Variants in ZNF423 observed in about 807,000 individuals in gnomAD.
ZNF423 encodes Ebf-associated zinc finger protein.
In ZNF423, 12 loss-of-function variants were observed where a neutral mutation model predicts 95.8. The observed-to-expected ratio is 0.13, with a 90% CI of 0.08 to 0.20. The LOEUF (loss-of-function observed/expected upper bound fraction) is 0.20, where lower values mean the gene tolerates loss of function less well. ZNF423 is among the 10% of genes least tolerant of loss of function. The pLI, the probability that ZNF423 is intolerant of heterozygous loss-of-function variation, is 1.00. For missense variants in ZNF423, 1,316 were observed against 1,737.1 expected (o/e 0.76, Z 4.31); for synonymous variants, 749 against 711.9 (o/e 1.05, Z -0.83).
chr16:49,858,480 A>G (rs942506453), upstream of ZNF423, among the ~76,000 whole-genome samples: 1 of 151,310 alleles, frequency 6.6e-6, no homozygotes, highest in Non-Finnish European at 1.5e-5. This position sits in a 1 kb window ranked among gnomAD's most constrained non-coding sequence, Gnocchi z 4.3. Flanking sequence ...AGGCAGTCTC[A>G]GAGGTAGAGT....
chr16:49,558,715 A>G (rs1969920561), intron 5 of ZNF423, among the ~76,000 whole-genome samples: 1 of 152,210 alleles, frequency 6.6e-6, no homozygotes, highest in Non-Finnish European at 1.5e-5. Context: ...TGAAATCAGC[A>G]GGAATTGCAC....
intron 7 of ZNF423, among the ~76,000 whole-genome samples, chr16:49,520,834 C>T (rs1163585908): frequency 1.3e-5 from 2 of 152,208 alleles, no homozygotes; most frequent in Non-Finnish European, 2.9e-5. Context: ...GAGAAAATTG[C>T]TATTCAAGTT....
chr16:49,791,739 T>C (rs2034418113), intron 1 of ZNF423, among the ~76,000 whole-genome samples: 1 of 152,182 alleles, frequency 6.6e-6, no homozygotes, highest in African/African-American at 2.4e-5. Flanking sequence ...CAGTGGTTTA[T>C]GCCTGTAATC....
At chr16:49,514,392 G>A (rs1415414399) in intron 7 of ZNF423, among the ~76,000 whole-genome samples, 1 of 152,050 alleles carries the variant, frequency 6.6e-6, no homozygotes, top group Admixed American at 6.5e-5. Flanking sequence ...TAGAAACCCT[G>A]TCTCCTTGTT....
intron 3 of ZNF423, among the ~76,000 whole-genome samples, chr16:49,671,893 C>T (rs1311984869): frequency 6.6e-6 from 1 of 152,054 alleles, no homozygotes; most frequent in Non-Finnish European, 1.5e-5. Flanking sequence ...CCATGTTGCC[C>T]AGGCTGGTCT....
chr16:49,830,293 G>A (rs376951894), intron 1 of ZNF423, among the ~76,000 whole-genome samples: 135 of 152,234 alleles, frequency 8.9e-4, no homozygotes, highest in African/African-American at 3.1e-3. Flanking sequence ...AGTTGAGGCC[G>A]GGGGACTGAT....
At chr16:49,530,711 A>C (rs1968808581) in intron 5 of ZNF423, among the ~76,000 whole-genome samples, 1 of 152,118 alleles carries the variant, frequency 6.6e-6, no homozygotes, top group Admixed American at 6.5e-5. Flanking sequence ...CGCTTTCTGG[A>C]ACCCCACGGA....
At chr16:49,652,798 T>C (rs900090918) in intron 3 of ZNF423, among the ~76,000 whole-genome samples, 2 of 152,214 alleles carry the variant, frequency 1.3e-5, no homozygotes, top group Non-Finnish European at 2.9e-5. Flanking sequence ...TAATTACATG[T>C]AAAGTGTACC....
At chr16:49,609,927 A>C (rs1460035248) in intron 5 of ZNF423, among the ~76,000 whole-genome samples, 1 of 152,246 alleles carries the variant, frequency 6.6e-6, no homozygotes, top group Non-Finnish European at 1.5e-5. Context: ...AAAAATCTTG[A>C]AAGCAGCTGG....
chr16:49,597,925 C>T (rs1457116204), intron 5 of ZNF423, among the ~76,000 whole-genome samples: 2 of 152,224 alleles, frequency 1.3e-5, no homozygotes, highest in Non-Finnish European at 2.9e-5. Context: ...TTGGTAATCA[C>T]AGCTACCTTC....
Position 49,655,889 on chromosome 16 carries a change from G to A in ZNF423, c.302-17015C>T, listed in dbSNP as rs534409705. Among the ~76,000 whole-genome samples the A allele has an allele frequency of 3.9e-5, 6 of 152,284 alleles. No individual in the cohort carries two copies. In the South Asian group the frequency reaches 1.0e-3, roughly 26 times the overall value. On this transcript the variant is annotated intron_variant, in intron 3 of 7. Transcript: ENST00000563137. ...ACCCACGCAGTCATTCCCTTGCAGAGCACATACAATTGAAGCACTGAATGC... is the reference window on the plus strand; with the variant it reads ...ACCCACGCAGTCATTCCCTTGCAGAACACATACAATTGAAGCACTGAATGC...
intron 5 of ZNF423, among the ~76,000 whole-genome samples, chr16:49,552,816 T>C (rs4785319): frequency 0.26 from 40,005 of 151,544 alleles, 6,119 homozygotes; most frequent in African/African-American, 0.43. Context: ...GGCCGGGCCA[T>C]GATCCCAAAA....
In ZNF423 at chr16:49,635,942, G is replaced by A; in HGVS notation, c.3234C>T (p.Leu1078=). Residue 1078 remains leucine, a synonymous_variant, in exon 4 of 8, where the codon CTC becomes CTT. Coordinates refer to ENST00000563137, the MANE Select transcript of ZNF423 (RefSeq NM_001379286.1). The surrounding 1 kb of genome is among the most constrained non-coding windows in gnomAD (Gnocchi z 4.8). ...LQKLYKCALC[L]KEFRSKQDLV... The stretch of plus-strand genomic sequence containing the variant: ...GGTCCTGCTTGCTGCGGAACTCCTT[G>A]AGGCACAGGGCGCACTTGTAGAGCT... The A allele has an allele frequency of 6.3e-7, 1 of 1,593,072 alleles. No individual in the cohort carries two copies. The highest frequency in any genetic ancestry group is 8.6e-7 in the Non-Finnish European group (1 of 1,168,730).
intron 2 of ZNF423, among the ~76,000 whole-genome samples, chr16:49,785,165 C>T (rs1408892508): frequency 2.0e-5 from 3 of 152,168 alleles, no homozygotes; most frequent in Admixed American, 6.5e-5. Flanking sequence ...TAACCTCAAA[C>T]TCTTGGGCTC....
chr16:49,511,451 C>A (rs552120353), intron 7 of ZNF423, among the ~76,000 whole-genome samples: 15 of 152,336 alleles, frequency 9.8e-5, no homozygotes, highest in African/African-American at 3.6e-4. Context: ...CATTTCTCCA[C>A]GCTGGCAGCT....
At position 49,736,750 on chromosome 16, in the gene ZNF423, G is replaced by A. The variant is rs111525056; in HGVS notation, c.101-5779C>T. ...TTGGAGGCTGCAGTGAGCCGTGTTC[G>A]CACCACTGCACTCCAGCCTGGATAA... On this transcript the variant is annotated intron_variant, in intron 2 of 7. Transcript: ENST00000563137. Among the ~76,000 whole-genome samples the A allele has an allele frequency of 1.1e-3, 162 of 152,208 alleles. 1 individual carries two copies. The highest frequency in any genetic ancestry group is 3.6e-3 in the African/African-American group (149 of 41,520).
chr16:49,618,208 C>A (rs1292202824), intron 5 of ZNF423, among the ~76,000 whole-genome samples: 1 of 152,222 alleles, frequency 6.6e-6, no homozygotes, highest in African/African-American at 2.4e-5. Flanking sequence ...CCTCAACTCC[C>A]CATGGATAAA....
intron 5 of ZNF423, among the ~76,000 whole-genome samples, chr16:49,568,015 G>A (rs1970245913): frequency 6.6e-6 from 1 of 152,216 alleles, no homozygotes; most frequent in African/African-American, 2.4e-5. Flanking sequence ...TGGCACTCCT[G>A]AATCATAGGT....
chr16:49,491,953 G>A (rs972207171), intron 7 of ZNF423, among the ~76,000 whole-genome samples: 3 of 152,196 alleles, frequency 2.0e-5, no homozygotes, highest in Admixed American at 1.3e-4. Flanking sequence ...ACATGGCAAT[G>A]GCCCAACCAG....
Sources: allele counts gnomAD v4.1 joint callset (sites outside exome capture counted in the v4.1 genomes callset), GRCh38; gene constraint gnomAD v4.1.1; non-coding constraint Gnocchi (gnomAD v3.1); transcripts MANE v1.5; gene names NCBI Gene and HGNC (gene_info 2026-07-23, HGNC 2026-07-21).